The following PIGF variants were observed in gnomAD, a reference collection of about 807,000 sequenced individuals.
PIGF encodes the protein phosphatidylinositol glycan anchor biosynthesis class F.
PIGF carries 23 observed loss-of-function variants against 26.0 expected under a neutral mutation model. The observed-to-expected ratio is 0.88, with a 90% CI of 0.64 to 1.25. PIGF has a LOEUF of 1.25. Ranked by LOEUF, PIGF falls within the 50% of genes most tolerant of loss-of-function variation. The pLI is 0.00. For synonymous variants in PIGF, 93 were observed against 92.6 expected (o/e 1.00, Z -0.03); for missense variants, 278 against 249.9 (o/e 1.11, Z -0.76).
Position 46,613,043 on chromosome 2 carries a change from A to AATATATAT in PIGF, c.320+643_320+650dup, listed in dbSNP as rs140332220. Among the ~76,000 whole-genome samples, 428 of 148,324 alleles carry AATATATAT rather than the reference A, an allele frequency of 2.9e-3. 3 individuals are homozygous for AATATATAT. Among genetic ancestry groups the AATATATAT allele is most frequent in the Middle Eastern group, 0.018 (5 of 280 alleles). On this transcript the variant is annotated intron_variant, in intron 3 of 5. Transcript: ENST00000281382. Reference sequence around the variant, plus strand: ...GTGTGTGTACGTAAAACTATGTATAAATATATATATATATATAAAATGGTA... The same window carrying AATATATAT: ...GTGTGTGTACGTAAAACTATGTATAAATATATATATATATATATATATATAAAATGGTA...
chr2:46,588,838 G>A lies in PIGF; in HGVS notation c.546+3637C>T, dbSNP rs1054833069. ...AAATTCCAGTCCTGGGTGTATTTAA[G>A]TATCTGTTGTACTTACTTACACAGA... On this transcript the variant is annotated intron_variant, in intron 5 of 5. Transcript: ENST00000281382. This position sits in a 1 kb window ranked among gnomAD's most constrained non-coding sequence, Gnocchi z 4.1. 6.6e-6 allele frequency among the ~76,000 whole-genome samples: 1 copy of A among 152,100 alleles called. No homozygotes were observed. Among genetic ancestry groups the A allele is most frequent in the African/African-American group, 2.4e-5 (1 of 41,416 alleles).
rs138700383 is a variant in PIGF, at chr2:46,586,229, C to G, written c.547-4638G>C. Among the ~76,000 whole-genome samples the G allele has an allele frequency of 2.9e-3, 441 of 152,110 alleles. 3 individuals carry two copies. The highest frequency in any genetic ancestry group is 0.01 in the African/African-American group (424 of 41,500). On this transcript the variant is annotated intron_variant, in intron 5 of 5. Coordinates refer to ENST00000281382, the MANE Select transcript of PIGF (RefSeq NM_002643.4). Reference sequence around the variant, plus strand: ...TGCTAGCTGTCATTTTTCATAAATTCGAAGAAACAAAATTTTAAGTACAGA... The same window carrying G: ...TGCTAGCTGTCATTTTTCATAAATTGGAAGAAACAAAATTTTAAGTACAGA...
intron 4 of PIGF, among the ~76,000 whole-genome samples, chr2:46,609,189 T>C (rs1670321321): frequency 6.6e-6 from 1 of 152,264 alleles, no homozygotes; most frequent in African/African-American, 2.4e-5. Context: ...TGCTTCACCT[T>C]GCACTTTTAT....
At chr2:46,602,497 T>C (rs1670091261) in intron 4 of PIGF, among the ~76,000 whole-genome samples, 1 of 151,922 alleles carries the variant, frequency 6.6e-6, no homozygotes. Context: ...TGAGATATCA[T>C]GCCAATTCAA....
In PIGF at chr2:46,588,732, A is replaced by C. The variant is rs1355664237; in HGVS notation, c.546+3743T>G. 6.6e-6 allele frequency: 1 copy of C among 152,344 alleles called. No homozygotes were observed. The highest frequency in any genetic ancestry group is 2.4e-5 in the African/African-American group (1 of 41,438). The allele number at this position is 152,344 out of a possible 1,614,324, so 9.4% of individuals were successfully genotyped here. On this transcript the variant is annotated intron_variant, in intron 5 of 5. Coordinates refer to ENST00000281382, the MANE Select transcript of PIGF (RefSeq NM_002643.4). This position sits in a 1 kb window ranked among gnomAD's most constrained non-coding sequence, Gnocchi z 4.1. ...TGACAAGACATTTTCCAGATGAAAA[A>C]CCTCATAGCTACATATTCTATGAAA... is the stretch of plus-strand genomic sequence containing the variant.
At chr2:46,590,071 A>C (rs1669682760) in intron 5 of PIGF, among the ~76,000 whole-genome samples, 2 of 152,236 alleles carry the variant, frequency 1.3e-5, no homozygotes, top group East Asian at 3.9e-4. Context: ...ACAACCCAAT[A>C]GTAAAGATAA....
At chr2:46,611,274 TC>T (rs1486401182) in intron 4 of PIGF, among the ~76,000 whole-genome samples, 1 of 151,760 alleles carries the variant, frequency 6.6e-6, no homozygotes, top group African/African-American at 2.4e-5. Context: ...GATCATGAGG[TC>T]GAGATCAAGA....
chr2:46,601,904 G>A (rs965270328), intron 4 of PIGF, among the ~76,000 whole-genome samples: 17 of 151,926 alleles, frequency 1.1e-4, no homozygotes, highest in African/African-American at 4.1e-4. Flanking sequence ...TTCACCAAAA[G>A]TGATCAACTT....
At chr2:46,586,993 A>G (rs549547960) in intron 5 of PIGF, among the ~76,000 whole-genome samples, 1 of 152,372 alleles carries the variant, frequency 6.6e-6, no homozygotes, top group South Asian at 2.1e-4. Context: ...TTCTGGTCAC[A>G]ACTCGTGCAA....
intron 4 of PIGF, among the ~76,000 whole-genome samples, chr2:46,596,568 T>C (rs1669891925): frequency 6.6e-6 from 1 of 152,084 alleles, no homozygotes; most frequent in African/African-American, 2.4e-5. Context: ...ATAATAAAAA[T>C]AGTAGTCTCC....
At chr2:46,593,640 T>C (rs1669790998) in intron 4 of PIGF, among the ~76,000 whole-genome samples, 2 of 152,186 alleles carry the variant, frequency 1.3e-5, no homozygotes, top group Admixed American at 6.5e-5. Flanking sequence ...AGCCTGGCCC[T>C]CATAGGGTGA....
intron 4 of PIGF, among the ~76,000 whole-genome samples, chr2:46,595,733 G>T (rs549651441): frequency 6.6e-6 from 1 of 152,246 alleles, no homozygotes; most frequent in South Asian, 2.1e-4. Flanking sequence ...AGTGTATGAG[G>T]ATTCCAATTT....
At chr2:46,597,657 C>T (rs1036808755) in intron 4 of PIGF, among the ~76,000 whole-genome samples, 1 of 152,118 alleles carries the variant, frequency 6.6e-6, no homozygotes, top group Non-Finnish European at 1.5e-5. Context: ...AATGATCTGC[C>T]CACCTCGGCC....
At chr2:46,613,601 A>G in intron 3 of PIGF, 93 bp downstream of exon 3, 3 of 862,202 alleles carry the variant, frequency 3.5e-6, no homozygotes, top group Non-Finnish European at 5.3e-6. Context: ...AATGATGCAC[A>G]TCATGGTTTT....
chr2:46,592,613 T>C (rs1172816511), intron 4 of PIGF, 30 bp from the exon 5 acceptor site: 1 of 1,106,438 alleles, frequency 9.0e-7, no homozygotes, highest in African/African-American at 1.5e-5. Flanking sequence ...ACATCGTTGG[T>C]GGTATATACA....
intron 5 of PIGF, among the ~76,000 whole-genome samples, chr2:46,585,672 T>G (rs145873288): frequency 2.0e-5 from 3 of 152,358 alleles, no homozygotes; most frequent in African/African-American, 7.2e-5. Context: ...TCACTGACAC[T>G]ACTATGTAAT....
intron 4 of PIGF, among the ~76,000 whole-genome samples, chr2:46,593,508 A>G (rs1669787272): frequency 6.6e-6 from 1 of 152,238 alleles, no homozygotes; most frequent in Non-Finnish European, 1.5e-5. Flanking sequence ...GCAGAGAACA[A>G]GAACAAAGTA....
chr2:46,596,832 C>G (rs978994237), intron 4 of PIGF, among the ~76,000 whole-genome samples: 7 of 152,148 alleles, frequency 4.6e-5, no homozygotes, highest in Admixed American at 4.6e-4. Flanking sequence ...TCCTTTCAAC[C>G]GAATCAATAG....
rs1669635343 is a variant in PIGF at position 46,588,182 on chromosome 2, G to A, written c.546+4293C>T. ...CTACGTTTTCTTTCTACTGTCATCT[G>A]AAATGTCAGACAGGATTGAAAATTA... is the stretch of plus-strand genomic sequence containing the variant. On this transcript the variant is annotated intron_variant, in intron 5 of 5. Coordinates refer to ENST00000281382, the MANE Select transcript of PIGF (RefSeq NM_002643.4). The surrounding 1 kb of genome is among the most constrained non-coding windows in gnomAD (Gnocchi z 4.1). 6.2e-7 allele frequency: 1 copy of A among 1,611,520 alleles called. No homozygotes were observed. The highest frequency in any genetic ancestry group is 1.3e-5 in the African/African-American group (1 of 74,844).
Sources: gnomAD v4.1 joint callset for allele counts (sites outside exome capture counted in the v4.1 genomes callset) on GRCh38, gnomAD v4.1.1 for gene constraint, Gnocchi (gnomAD v3.1) non-coding constraint, MANE v1.5 for transcripts, NCBI Gene and HGNC (gene_info 2026-07-23, HGNC 2026-07-21) for gene names.